IBTK: variants seen among roughly 807,000 people sequenced by gnomAD.
The protein encoded by IBTK is inhibitor of Bruton tyrosine kinase, also known as BTK-binding protein.
A neutral mutation model predicts 154.9 loss-of-function variants in IBTK; 83 were observed. The ratio of observed to expected loss-of-function variants is 0.54; its 90% CI spans 0.45 to 0.64. The LOEUF (loss-of-function observed/expected upper bound fraction) is 0.64. IBTK is among the 30% of genes least tolerant of loss of function. IBTK has a pLI of 0.00. For synonymous variants in IBTK, 515 were observed against 536.1 expected, an observed-to-expected ratio of 0.96 and a Z score of 0.54; for missense variants, 1,332 against 1,584.6, an observed-to-expected ratio of 0.84 and a Z score of 2.71.
chr6:82,222,135 A>C (rs867810608), intron 8 of IBTK, among the ~76,000 whole-genome samples: 1 of 151,028 alleles, frequency 6.6e-6, no homozygotes, highest in African/African-American at 2.4e-5. Flanking sequence ...ACATCACTGT[A>C]CTTCAGCCTG....
intron 26 of IBTK, chr6:82,174,938 C>T (rs991886115): frequency 6.6e-6 from 3 of 455,878 alleles, no homozygotes; most frequent in Non-Finnish European, 1.3e-5. Context: ...ATATATTCCA[C>T]TTCAAATGTC....
intron 6 of IBTK, 51 bp downstream of exon 6, chr6:82,225,426 C>T (rs372160706): frequency 1.3e-5 from 19 of 1,451,640 alleles, no homozygotes; most frequent in Non-Finnish European, 1.8e-5. Context: ...TTTGTTCATA[C>T]AGGTTTTATT....
At chr6:82,234,723 TCA>T (rs1398942488) in intron 2 of IBTK, among the ~76,000 whole-genome samples, 2 of 152,174 alleles carry the variant, frequency 1.3e-5, no homozygotes, top group Non-Finnish European at 2.9e-5. Context: ...TCTCTCATAT[TCA>T]CACACATTTT....
rs987599929 is a variant in IBTK, at chr6:82,194,561, G to C, written c.3256C>G (p.Leu1086Val). Residue 1086 changes from leucine to valine, a missense_variant, in exon 23 of 29, where the codon CTT becomes GTT. By Grantham distance (32) the Leu-to-Val change is conservative. Around this residue, in one of 3 missense-constraint regions of IBTK, gnomAD observed 1,134 missense variants for 1,274.7 expected, o/e 0.89. Transcript: ENST00000306270. ...ATAGGCTGTGGAGCAGATATTTTAA[G>C]TATTGGTGACTTTTCCCATGGTTTT... ...DLKPWEKSPI[L>V]KISAPQPIPS... is the part of the protein sequence containing the mutation. The C allele has an allele frequency of 2.5e-6, 4 of 1,611,706 alleles. No individual in the cohort carries two copies. In the African/African-American group the frequency reaches 5.3e-5, roughly 22 times the overall value.
At position 82,196,369 on chromosome 6, in the gene IBTK, C is replaced by T; in HGVS notation, c.3103G>A (p.Ala1035Thr). 6.2e-7 allele frequency: 1 copy of T among 1,612,976 alleles called. No individual in the cohort carries two copies. Among genetic ancestry groups the T allele is most frequent in the Non-Finnish European group, 8.5e-7 (1 of 1,179,250 alleles). The change falls in exon 22 of 29, where the codon GCA becomes ACA. Residue 1035 changes from alanine (A) to threonine (T), a missense_variant. Physicochemically the swap from Ala to Thr is moderately conservative, Grantham distance 58 (BLOSUM62 0). This residue lies in a region of IBTK where 1,134 missense variants were observed against 1,274.7 expected (regional missense o/e 0.89). Coordinates refer to ENST00000306270, the MANE Select transcript of IBTK (RefSeq NM_015525.4). ...AAATCTCTAGGACTACCCACTCCTGCATAGCTTCCTTCAGAGTCTGATGTC... is the reference window on the plus strand; with the variant it reads ...AAATCTCTAGGACTACCCACTCCTGTATAGCTTCCTTCAGAGTCTGATGTC... ...LLTSDSEGSY[A>T]GVGSPRDLQS...
intron 9 of IBTK, 36 bp downstream of exon 9, chr6:82,220,554 G>A (rs201788161): frequency 3.9e-5 from 61 of 1,564,444 alleles, no homozygotes; most frequent in Non-Finnish European, 5.0e-5. Context: ...TATCAACTGA[G>A]AGTAAGATTA....
At chr6:82,197,048 T>C (rs1769015103) in intron 21 of IBTK, among the ~76,000 whole-genome samples, 1 of 152,172 alleles carries the variant, frequency 6.6e-6, no homozygotes, top group Non-Finnish European at 1.5e-5. Context: ...TATATATCAT[T>C]TCTTCTCTTA....
Position 82,240,351 on chromosome 6 carries a change from T to C in IBTK, c.136A>G (p.Thr46Ala), listed in dbSNP as rs1175024494. 6 of 1,614,080 alleles carry C rather than the reference T, an allele frequency of 3.7e-6. No homozygotes were observed. The African/African-American group carries it at 4.0e-5, about 11-fold the overall frequency. The change falls in exon 2 of 29, where the codon ACT becomes GCT. Residue 46 changes from threonine to alanine, a missense_variant. Physicochemically the swap from Thr to Ala is moderately conservative, Grantham distance 58. Transcript: ENST00000306270. Reference sequence around the variant, plus strand: ...TTCCTGCCAAAAACATCCTTGATAGTTGCAGCATTGTAACAATGACTGGAG... The same window carrying C: ...TTCCTGCCAAAAACATCCTTGATAGCTGCAGCATTGTAACAATGACTGGAG... Reference protein sequence around the residue: ...FLSSHCYNAATIKDVFGRNAL... With the variant: ...FLSSHCYNAAAIKDVFGRNAL...
chr6:82,210,024 G>A (rs926832682), intron 16 of IBTK, among the ~76,000 whole-genome samples: 2 of 152,090 alleles, frequency 1.3e-5, no homozygotes, highest in Admixed American at 6.5e-5. Context: ...TACAGCTGGG[G>A]TTAAAAAAAA....
chr6:82,174,967 T>G (rs1768056784), intron 26 of IBTK: 1 of 456,038 alleles, frequency 2.2e-6, no homozygotes, highest in African/African-American at 2.0e-5. Context: ...CTTTTACAGT[T>G]GGCTCAAATG....
At chr6:82,217,073 A>T (rs1174266934) in intron 10 of IBTK, among the ~76,000 whole-genome samples, 2 of 152,176 alleles carry the variant, frequency 1.3e-5, no homozygotes, top group Non-Finnish European at 2.9e-5. Context: ...GAAAGATATA[A>T]GAAACATTTG....
intron 11 of IBTK, 97 bp from the exon 12 acceptor site, chr6:82,214,926 CAAT>C (rs1769813706): frequency 7.6e-7 from 1 of 1,321,330 alleles, no homozygotes; most frequent in Non-Finnish European, 1.0e-6. Flanking sequence ...ATTTTTTTAA[CAAT>C]ATTTAGAAAA....
intron 2 of IBTK, 102 bp downstream of exon 2, chr6:82,240,064 A>C: frequency 1.1e-6 from 1 of 952,120 alleles, no homozygotes; most frequent in South Asian, 1.7e-5. Context: ...ACAAGCAAGA[A>C]AAAATGCAAA....
chr6:82,177,898 T>C (rs770971799), intron 26 of IBTK, among the ~76,000 whole-genome samples: 153 of 152,258 alleles, frequency 1.0e-3, no homozygotes, highest in Non-Finnish European at 4.0e-4. Flanking sequence ...TCCATGTATG[T>C]ATATTAATAT....
At chr6:82,190,982 C>G (rs571756328) in intron 25 of IBTK, 91 bp downstream of exon 25, 29 of 895,820 alleles carry the variant, frequency 3.2e-5, no homozygotes, top group Admixed American at 7.7e-5. Flanking sequence ...ACTTTAGAAA[C>G]ACTGGAAGTG....
intron 13 of IBTK, among the ~76,000 whole-genome samples, 159 bp downstream of exon 13, chr6:82,212,548 C>G (rs1354355569): frequency 6.6e-6 from 1 of 152,150 alleles, no homozygotes; most frequent in Non-Finnish European, 1.5e-5. Context: ...CAATTTACTT[C>G]AACAGCTCCC....
chr6:82,205,212 ATC>A, intron 16 of IBTK: 1 of 260,232 alleles, frequency 3.8e-6, no homozygotes, highest in Non-Finnish European at 7.2e-6. Flanking sequence ...AAATGTCTTG[ATC>A]TCACACTAGG....
In IBTK at chr6:82,212,965, G is replaced by C. The variant is rs16894003; in HGVS notation, c.2205-172C>G. On this transcript the variant is annotated intron_variant, in intron 12 of 28. Coordinates refer to ENST00000306270, the MANE Select transcript of IBTK (RefSeq NM_015525.4). The stretch of plus-strand genomic sequence containing the variant: ...ATATCATACTTTTTCTTCCATTTTA[G>C]TTAGAATTCAAAATAGATTAAACAT... 9.9e-3 allele frequency among the ~76,000 whole-genome samples: 1,501 copies of C among 151,754 alleles called. 25 individuals are homozygous for C. Among genetic ancestry groups the C allele is most frequent in the African/African-American group, 0.032 (1,309 of 41,392 alleles).
intron 25 of IBTK, among the ~76,000 whole-genome samples, chr6:82,185,184 GAAAAAAA>G (rs1196015823): frequency 2.6e-5 from 1 of 37,816 alleles, no homozygotes; most frequent in African/African-American, 8.5e-5. Context: ...CTCTGTCTCA[GAAAAAAA>G]AAAAAAAAAA....
Sources: allele counts gnomAD v4.1 joint callset (sites outside exome capture counted in the v4.1 genomes callset), GRCh38; gene constraint gnomAD v4.1.1; regional missense constraint gnomAD v4.1.1; transcripts MANE v1.5; gene names NCBI Gene and HGNC (gene_info 2026-07-23, HGNC 2026-07-21).